The following EVI5 variants were observed in gnomAD, a reference collection of about 807,000 sequenced individuals.
EVI5 encodes ecotropic viral integration site 5, also known as ecotropic viral integration site 5 protein homolog.
EVI5 carries 73 observed loss-of-function variants against 112.0 expected under a neutral mutation model. The ratio of observed to expected loss-of-function variants is 0.65; its 90% CI spans 0.54 to 0.79. The LOEUF (loss-of-function observed/expected upper bound fraction) is 0.79. Among genes scored for constraint, EVI5 ranks in the 30% least tolerant of loss-of-function variants. The pLI, the probability that EVI5 is intolerant of heterozygous loss-of-function variation, is 0.00. For missense variants in EVI5, 900 were observed against 968.8 expected (o/e 0.93, Z 0.94); for synonymous variants, 305 against 319.9 (o/e 0.95, Z 0.50).
intron 14 of EVI5, among the ~76,000 whole-genome samples, chr1:92,634,895 C>A (rs1269944274): frequency 2.0e-5 from 3 of 152,164 alleles, no homozygotes; most frequent in Admixed American, 6.5e-5. Flanking sequence ...TTTCCTTCTA[C>A]CAGTCAGGAC....
At chr1:92,748,640 G>A (rs1679687452) in intron 1 of EVI5, among the ~76,000 whole-genome samples, 2 of 152,142 alleles carry the variant, frequency 1.3e-5, no homozygotes, top group African/African-American at 4.8e-5. Context: ...TAAAAGTATA[G>A]AGTATCAGTA....
chr1:92,605,542 G>A (rs1650190815), intron 17 of EVI5, 140 bp from the exon 18 acceptor site: 1 of 591,576 alleles, frequency 1.7e-6, no homozygotes, highest in African/African-American at 1.8e-5. Context: ...GAAACAATAT[G>A]CTCAATACAT....
intron 1 of EVI5, among the ~76,000 whole-genome samples, chr1:92,761,594 T>G (rs1488538463): frequency 6.6e-6 from 1 of 152,052 alleles, no homozygotes; most frequent in Non-Finnish European, 1.5e-5. Flanking sequence ...GATATACAAC[T>G]GAATTAATAT....
At chr1:92,772,884 C>T (rs1356862197) in intron 1 of EVI5, among the ~76,000 whole-genome samples, 2 of 127,082 alleles carry the variant, frequency 1.6e-5, no homozygotes, top group East Asian at 2.3e-4. Context: ...CCAGCCTGGG[C>T]GACAAGAGAG....
chr1:92,735,726 A>G (rs1368192454), intron 2 of EVI5, among the ~76,000 whole-genome samples: 1 of 133,038 alleles, frequency 7.5e-6, no homozygotes, highest in Admixed American at 7.7e-5. Context: ...ATTATATATA[A>G]TATAATATAA....
chr1:92,764,802 T>C (rs1365387974), intron 1 of EVI5, among the ~76,000 whole-genome samples: 2 of 152,202 alleles, frequency 1.3e-5, no homozygotes, highest in African/African-American at 4.8e-5. Context: ...ATAATGACCT[T>C]AAAACTATAA....
At chr1:92,687,240 T>C (rs1490681981) in intron 9 of EVI5, among the ~76,000 whole-genome samples, 1 of 151,906 alleles carries the variant, frequency 6.6e-6, no homozygotes, top group Non-Finnish European at 1.5e-5. Context: ...ACACCACACA[T>C]CTACAACCAT....
intron 19 of EVI5, among the ~76,000 whole-genome samples, chr1:92,523,442 T>A (rs1661300551): frequency 6.6e-6 from 1 of 152,092 alleles, no homozygotes; most frequent in East Asian, 1.9e-4. Context: ...ATTAATATAT[T>A]TTTTAAAAAA....
At position 92,511,245 on chromosome 1, in the gene EVI5, T is replaced by G. The variant is rs1156902542; in HGVS notation, c.*2411A>C. The stretch of plus-strand genomic sequence containing the variant: ...GGGTGGATCACCTGAGGTCAGAAGT[T>G]TGAGATCAGCCTGGCCAACATAGCG... On this transcript the variant is annotated 3_prime_UTR_variant, in exon 20 of 20. Coordinates refer to ENST00000684568, the MANE Select transcript of EVI5 (RefSeq NM_001350197.2). 6.6e-6 allele frequency: 1 copy of G among 152,048 alleles called. No homozygotes were observed. The highest frequency in any genetic ancestry group is 1.5e-5 in the Non-Finnish European group (1 of 68,020). 9.4% of individuals were successfully genotyped at this position (152,048 alleles called of 1,614,324 possible).
chr1:92,634,238 A>T lies in EVI5; in HGVS notation c.1527+1964T>A, dbSNP rs1006654264. On this transcript the variant is annotated intron_variant, in intron 14 of 19. Transcript: ENST00000684568. ...TTTGAATGTTGGCCTGCCTTGCTAGATTGGGGAAGTTCTCCTGGATAATAT... is the reference window on the plus strand; with the variant it reads ...TTTGAATGTTGGCCTGCCTTGCTAGTTTGGGGAAGTTCTCCTGGATAATAT... Among the ~76,000 whole-genome samples, 8 of 152,270 alleles carry T rather than the reference A, an allele frequency of 5.3e-5. No individual in the cohort carries two copies. The South Asian group carries it at 1.7e-3, about 32-fold the overall frequency.
At chr1:92,585,675 G>T (rs1262746079) in intron 18 of EVI5, among the ~76,000 whole-genome samples, 2 of 152,020 alleles carry the variant, frequency 1.3e-5, no homozygotes, top group Non-Finnish European at 2.9e-5. Context: ...TTTTAGAAAA[G>T]TTTTAAATTT....
chr1:92,545,477 G>A (rs367813580), intron 19 of EVI5, among the ~76,000 whole-genome samples: 1 of 150,962 alleles, frequency 6.6e-6, no homozygotes. Flanking sequence ...TATAGTCAAA[G>A]AAATAAGACT....
At chr1:92,614,480 G>A (rs1467341539) in intron 16 of EVI5, among the ~76,000 whole-genome samples, 1 of 152,106 alleles carries the variant, frequency 6.6e-6, no homozygotes, top group African/African-American at 2.4e-5. Flanking sequence ...GTTGCCAAAA[G>A]AGATTAACAT....
At chr1:92,742,447 T>C (rs557122141) in intron 1 of EVI5, among the ~76,000 whole-genome samples, 1 of 151,608 alleles carries the variant, frequency 6.6e-6, no homozygotes, top group Non-Finnish European at 1.5e-5. Flanking sequence ...CTGAAGCAGG[T>C]GGATCACCTG....
chr1:92,571,375 T>C (rs1305942530), intron 18 of EVI5, among the ~76,000 whole-genome samples: 2 of 151,916 alleles, frequency 1.3e-5, no homozygotes, highest in African/African-American at 4.8e-5. Context: ...CTGAATGGGA[T>C]ATTCTGATTC....
intron 2 of EVI5, chr1:92,714,108 C>T: frequency 1.0e-6 from 1 of 978,838 alleles, no homozygotes; most frequent in Non-Finnish European, 1.2e-6. Flanking sequence ...TTAAAGCTAT[C>T]AATTATTAAC....
chr1:92,570,436 T>C (rs1670169385), intron 18 of EVI5, among the ~76,000 whole-genome samples: 1 of 152,188 alleles, frequency 6.6e-6, no homozygotes, highest in Non-Finnish European at 1.5e-5. Context: ...ATAGAAAGGT[T>C]AGATGTTTGC....
In EVI5 at chr1:92,624,342, A is replaced by G; in HGVS notation, c.1669-8T>C. 1 of 1,609,652 alleles carries G rather than the reference A, an allele frequency of 6.2e-7. No homozygotes were observed. The highest frequency in any genetic ancestry group is 8.5e-7 in the Non-Finnish European group (1 of 1,177,490). On this transcript the variant is annotated splice_polypyrimidine_tract_variant and splice_region_variant and intron_variant, in intron 15 of 19. Coordinates refer to ENST00000684568, the MANE Select transcript of EVI5 (RefSeq NM_001350197.2). ...AGTACGAGCTAAGTGGCGCTAAAGC[A>G]TAAAAAATTATATTGCAACAAATAC...
intron 13 of EVI5, among the ~76,000 whole-genome samples, chr1:92,648,210 A>C (rs1207098840): frequency 0.025 from 47 of 1,858 alleles, no homozygotes; most frequent in Non-Finnish European, 0.042. Flanking sequence ...AAAAAAAAAA[A>C]AAAAAAAACA....
Sources: gnomAD v4.1 joint callset for allele counts (sites outside exome capture counted in the v4.1 genomes callset) on GRCh38, gnomAD v4.1.1 for gene constraint, MANE v1.5 for transcripts, NCBI Gene and HGNC (gene_info 2026-07-23, HGNC 2026-07-21) for gene names.